USH2A: variants seen among roughly 807,000 people sequenced by gnomAD.
The protein encoded by USH2A is usherin.
In USH2A, 443 loss-of-function variants were observed where a neutral mutation model predicts 538.9. The ratio of observed to expected loss-of-function variants is 0.82; its 90% confidence interval spans 0.76 to 0.89. The LOEUF (loss-of-function observed/expected upper bound fraction) is 0.89. Ranked by LOEUF, USH2A falls within the 40% of genes least tolerant of loss-of-function variation. USH2A has a pLI of 0.00. For synonymous variants in USH2A, 2,413 were observed against 2,273.5 expected, an observed-to-expected ratio of 1.06 and a Z score of -1.75; for missense variants, 6,633 against 6,324.8, an observed-to-expected ratio of 1.05 and a Z score of -1.65.
At chr1:215,762,245 T>C (rs1284677563) in intron 56 of USH2A, among the ~76,000 whole-genome samples, 1 of 152,190 alleles carries the variant, frequency 6.6e-6, no homozygotes, top group East Asian at 1.9e-4. Flanking sequence ...TATTAATTTG[T>C]TGATTCAAAA....
intron 9 of USH2A, among the ~76,000 whole-genome samples, chr1:216,315,523 G>A (rs1157414259): frequency 6.6e-6 from 1 of 152,090 alleles, no homozygotes; most frequent in Non-Finnish European, 1.5e-5. Flanking sequence ...TCTAGACAGG[G>A]ATGGTGATTA....
At position 216,083,677 on chromosome 1, in the gene USH2A, C is replaced by G; in HGVS notation, c.5168-91G>C. Reference sequence around the variant, plus strand: ...CTAAGAAACTCTAGGACACAGTCTGCCACTGAGTAAATCTCACAAAAGAAG... The same window carrying G: ...CTAAGAAACTCTAGGACACAGTCTGGCACTGAGTAAATCTCACAAAAGAAG... On this transcript the variant is annotated intron_variant, in intron 25 of 71. Coordinates refer to ENST00000307340, the MANE Select transcript of USH2A (RefSeq NM_206933.4). The G allele has an allele frequency of 2.3e-6, 3 of 1,277,882 alleles. No homozygotes were observed. In the Admixed American group the frequency reaches 6.8e-5, roughly 29 times the overall value. The allele number at this position is 1,277,882 out of a possible 1,614,324, so 79.2% of individuals were successfully genotyped here.
intron 19 of USH2A, among the ~76,000 whole-genome samples, chr1:216,193,341 G>A (rs1376277465): frequency 6.6e-6 from 1 of 151,986 alleles, no homozygotes; most frequent in Non-Finnish European, 1.5e-5. Flanking sequence ...TGAGATAATT[G>A]CAAATGAGTG....
chr1:216,171,046 A>G (rs891320447), intron 21 of USH2A, among the ~76,000 whole-genome samples: 3 of 152,262 alleles, frequency 2.0e-5, no homozygotes, highest in African/African-American at 4.8e-5. Flanking sequence ...ATATGACCCA[A>G]TAATTGAATA....
chr1:215,721,408 G>A (rs1454043637), intron 61 of USH2A, among the ~76,000 whole-genome samples: 1 of 152,112 alleles, frequency 6.6e-6, no homozygotes, highest in Non-Finnish European at 1.5e-5. Flanking sequence ...CTTGGAATGA[G>A]TCTTAATCAC....
At chr1:216,284,903 G>A (rs898408171) in intron 11 of USH2A, among the ~76,000 whole-genome samples, 1 of 152,180 alleles carries the variant, frequency 6.6e-6, no homozygotes, top group Non-Finnish European at 1.5e-5. Flanking sequence ...AAAGAGGCTG[G>A]TGGCATTTTG....
chr1:216,347,229 G>T (rs2102686093), intron 4 of USH2A, among the ~76,000 whole-genome samples: 1 of 152,084 alleles, frequency 6.6e-6, no homozygotes, highest in Non-Finnish European at 1.5e-5. Flanking sequence ...TTCTAAAAAA[G>T]AAATTTTATA....
chr1:215,967,637 AG>A (rs2102455828), intron 36 of USH2A, among the ~76,000 whole-genome samples: 1 of 152,224 alleles, frequency 6.6e-6, no homozygotes, highest in African/African-American at 2.4e-5. Context: ...TAGGGATTTA[AG>A]GGGTTTAAGC....
chr1:215,658,920 C>G (rs902156132), intron 64 of USH2A, among the ~76,000 whole-genome samples: 5 of 152,128 alleles, frequency 3.3e-5, no homozygotes, highest in Admixed American at 3.3e-4. Flanking sequence ...TCACAATCAC[C>G]AATTGTGATT....
chr1:216,192,278 C>A (rs1380156394), intron 19 of USH2A, among the ~76,000 whole-genome samples: 1 of 152,048 alleles, frequency 6.6e-6, no homozygotes, highest in Non-Finnish European at 1.5e-5. Flanking sequence ...ACAAGACATA[C>A]TCAGGTCAGT....
chr1:216,126,308 C>G (rs1344006621), intron 21 of USH2A, among the ~76,000 whole-genome samples: 2 of 152,248 alleles, frequency 1.3e-5, no homozygotes, highest in South Asian at 2.1e-4. Context: ...AGTGCTACCT[C>G]CACCTCCCAA....
chr1:216,401,712 T>C (rs1184036827), intron 3 of USH2A, among the ~76,000 whole-genome samples: 1 of 152,036 alleles, frequency 6.6e-6, no homozygotes, highest in African/African-American at 2.4e-5. Context: ...AGAGGGACAT[T>C]ACATAATGAT....
rs1213979189 is a variant in USH2A, at chr1:215,624,125, T to C, written c.*1656A>G. The C allele has an allele frequency of 6.6e-6, 1 of 152,196 alleles. No individual in the cohort carries two copies. The highest frequency in any genetic ancestry group is 1.9e-4 in the East Asian group (1 of 5,196). The allele number at this position is 152,196 out of a possible 1,614,324, so 9.4% of individuals were successfully genotyped here. A position where few individuals can be genotyped will look rare whatever the true frequency, so the allele number is the denominator to read the frequency against. Reference sequence around the variant, plus strand: ...AAGTATAAAAACTTGGCGAGAAATATATATTTCGTATTTTCTACAGTCACT... The same window carrying C: ...AAGTATAAAAACTTGGCGAGAAATACATATTTCGTATTTTCTACAGTCACT... On this transcript the variant is annotated 3_prime_UTR_variant, in exon 72 of 72. Transcript: ENST00000307340.
intron 58 of USH2A, among the ~76,000 whole-genome samples, chr1:215,753,041 C>A (rs910970153): frequency 9.2e-5 from 14 of 152,232 alleles, no homozygotes; most frequent in South Asian, 6.2e-4. Flanking sequence ...ATTTATGCAG[C>A]CAAAAGACAC....
chr1:216,328,390 G>C (rs1408406910), intron 4 of USH2A, among the ~76,000 whole-genome samples: 1 of 151,994 alleles, frequency 6.6e-6, no homozygotes, highest in Admixed American at 6.6e-5. Flanking sequence ...AGAACTTACT[G>C]AGACAAATAA....
rs768436928 is a variant in USH2A, at chr1:216,292,175, C to T, written c.1840G>A (p.Gly614Arg). The stretch of plus-strand genomic sequence containing the variant: ...ACTCAGGAATTTATTTGCTACTTAC[C>T]TGTAGTGTTATGCTCACAATCATCA... ...VCDDCEHNTT[G>R]RNCELCKDYF... The change falls in exon 10 of 72, where the codon GGA becomes AGA. Residue 614 changes from glycine to arginine, a missense_variant and splice_region_variant. Coordinates refer to ENST00000307340, the MANE Select transcript of USH2A (RefSeq NM_206933.4). 1.9e-6 allele frequency: 3 copies of T among 1,613,966 alleles called. No individual in the cohort carries two copies. Among genetic ancestry groups the T allele is most frequent in the Non-Finnish European group, 2.5e-6 (3 of 1,179,916 alleles).
intron 55 of USH2A, among the ~76,000 whole-genome samples, chr1:215,778,370 A>T (rs766847094): frequency 6.6e-6 from 1 of 152,132 alleles, no homozygotes; most frequent in South Asian, 2.1e-4. Flanking sequence ...ATCATCATTG[A>T]TTTAGCCCAG....
chr1:216,240,032 A>AAG (rs2035906792), intron 13 of USH2A, among the ~76,000 whole-genome samples: 1 of 147,306 alleles, frequency 6.8e-6, no homozygotes. Flanking sequence ...AAAAAAAAAA[A>AAG]AGAGAGAAGG....
At chr1:215,967,565 T>G (rs985483884) in intron 36 of USH2A, among the ~76,000 whole-genome samples, 7 of 152,152 alleles carry the variant, frequency 4.6e-5, no homozygotes, top group African/African-American at 1.4e-4. Flanking sequence ...AGACATTATT[T>G]CTCTTTGTAA....
Sources: gnomAD v4.1 joint callset for allele counts (sites outside exome capture counted in the v4.1 genomes callset) on GRCh38, gnomAD v4.1.1 for gene constraint, MANE v1.5 for transcripts, NCBI Gene and HGNC (gene_info 2026-07-23, HGNC 2026-07-21) for gene names.